Variants in SPATA12 observed in about 807,000 individuals in gnomAD.
SPATA12 encodes the protein spermatogenesis associated 12.
For missense variants in SPATA12, 219 were observed against 226.4 expected (o/e 0.97, Z 0.21); for synonymous variants, 85 against 89.2 (o/e 0.95, Z 0.26).
chr3:57,061,124 T>C (rs914342668), intron 1 of SPATA12, among the ~76,000 whole-genome samples: 1 of 152,158 alleles, frequency 6.6e-6, no homozygotes, highest in Non-Finnish European at 1.5e-5. Context: ...CATTCAGCGG[T>C]AACTCCTCCT....
chr3:57,062,048 A>G (rs1251934972), intron 1 of SPATA12, among the ~76,000 whole-genome samples: 1 of 152,156 alleles, frequency 6.6e-6, no homozygotes, highest in Non-Finnish European at 1.5e-5. Flanking sequence ...AAGTAAAAAA[A>G]GAGAGTGGGG....
chr3:57,073,627 C>G lies in SPATA12; in HGVS notation c.-68C>G, dbSNP rs200762222. The G allele has an allele frequency of 6.3e-4, 972 of 1,532,782 alleles. 6 individuals are homozygous for G. The South Asian group carries it at 6.9e-3, about 11-fold the overall frequency. 94.9% of individuals were successfully genotyped at this position (1,532,782 alleles called of 1,614,324 possible). A position where few individuals can be genotyped will look rare whatever the true frequency, so the allele number is the denominator to read the frequency against. On this transcript the variant is annotated 5_prime_UTR_variant, in exon 2 of 2. Coordinates refer to ENST00000334325, the MANE Select transcript of SPATA12 (RefSeq NM_181727.2). ...GGTTGCAAGAGTGCTGCATGCTCCT[C>G]AGGGATTGGCTCCGGCCAAGTGCCC... is the stretch of plus-strand genomic sequence containing the variant.
Position 57,073,781 on chromosome 3 carries a change from C to T in SPATA12, c.87C>T (p.Leu29=), listed in dbSNP as rs755036587. 13 of 1,614,100 alleles carry T rather than the reference C, an allele frequency of 8.1e-6. No individual in the cohort carries two copies. The highest frequency in any genetic ancestry group is 1.1e-5 in the Non-Finnish European group (13 of 1,180,046). The change falls in exon 2 of 2, where the codon CTC becomes CTT. Residue 29 remains leucine, a synonymous_variant. Coordinates refer to ENST00000334325, the MANE Select transcript of SPATA12 (RefSeq NM_181727.2). ...TGAAGGCACTAGACTCTTCCAGACT[C>T]GTTCCATGGCCACCCAGAGGCCTTG... The part of the protein sequence containing the change: ...WEMKALDSSR[L]VPWPPRGLGS...
Position 57,074,455 on chromosome 3 carries a change from G to A in SPATA12, c.*188G>A. 1 of 608,542 alleles carries A rather than the reference G, an allele frequency of 1.6e-6. No homozygotes were observed. Among genetic ancestry groups the A allele is most frequent in the Non-Finnish European group, 3.0e-6 (1 of 336,654 alleles). The allele number at this position is 608,542 out of a possible 1,614,324, so 37.7% of individuals were successfully genotyped here. On this transcript the variant is annotated 3_prime_UTR_variant, in exon 2 of 2. Transcript: ENST00000334325. The stretch of plus-strand genomic sequence containing the variant: ...ACACTTCCCCAATATCACAGATGAA[G>A]AAATCAAGATTCAGAAAGGTTAAGT...
At chr3:57,072,985 G>A (rs933412107) in intron 1 of SPATA12, among the ~76,000 whole-genome samples, 8 of 152,188 alleles carry the variant, frequency 5.3e-5, no homozygotes, top group African/African-American at 4.8e-5. Flanking sequence ...GGCAGAGGTT[G>A]CAGTGAGCCA....
At chr3:57,068,176 C>CACAA (rs1262513868) in intron 1 of SPATA12, among the ~76,000 whole-genome samples, 1 of 151,682 alleles carries the variant, frequency 6.6e-6, no homozygotes, top group East Asian at 1.9e-4. Flanking sequence ...CATACACACA[C>CACAA]ACACACACAC....
At chr3:57,071,609 G>A (rs997471979) in intron 1 of SPATA12, among the ~76,000 whole-genome samples, 9 of 149,474 alleles carry the variant, frequency 6.0e-5, no homozygotes, top group Admixed American at 1.3e-4. Context: ...GTAGTGAGCC[G>A]AGATCATGCC....
intron 1 of SPATA12, among the ~76,000 whole-genome samples, chr3:57,064,791 G>A (rs965669079): frequency 1.3e-5 from 2 of 152,172 alleles, no homozygotes; most frequent in Admixed American, 6.5e-5. Flanking sequence ...GGGCAGGGGG[G>A]AATGGGAGTT....
intron 1 of SPATA12, among the ~76,000 whole-genome samples, chr3:57,062,847 G>A (rs959364133): frequency 5.3e-5 from 8 of 152,036 alleles, no homozygotes; most frequent in African/African-American, 1.9e-4. Context: ...TTTTCTTTAC[G>A]GGTTCAACAA....
intron 1 of SPATA12, among the ~76,000 whole-genome samples, chr3:57,069,842 G>A (rs1380901170): frequency 6.6e-6 from 1 of 152,122 alleles, no homozygotes; most frequent in South Asian, 2.1e-4. Flanking sequence ...ATAGAGTCTC[G>A]CTTTGCTGCC....
chr3:57,069,648 CT>C (rs11336340), intron 1 of SPATA12, among the ~76,000 whole-genome samples: 131,790 of 151,382 alleles, frequency 0.87, 57,392 homozygotes, highest in East Asian at 0.96. Flanking sequence ...GTAAACTAAG[CT>C]TTTTTTTTTC....
chr3:57,061,058 C>A (rs998833179), intron 1 of SPATA12, among the ~76,000 whole-genome samples: 1 of 152,164 alleles, frequency 6.6e-6, no homozygotes, highest in Non-Finnish European at 1.5e-5. Context: ...TTGTACAACT[C>A]TTACCATTAT....
intron 1 of SPATA12, among the ~76,000 whole-genome samples, chr3:57,065,155 T>C (rs1053474796): frequency 3.9e-5 from 6 of 152,198 alleles, no homozygotes; most frequent in Admixed American, 3.9e-4. Context: ...GTCTTAAATG[T>C]TGAAATTACT....
chr3:57,068,404 A>G (rs1283266095), intron 1 of SPATA12, among the ~76,000 whole-genome samples: 3 of 152,214 alleles, frequency 2.0e-5, no homozygotes, highest in Non-Finnish European at 4.4e-5. Flanking sequence ...GCTGCCACTC[A>G]CTGCAGTGCT....
In SPATA12 at chr3:57,073,860, G is replaced by C. The variant is rs760435606; in HGVS notation, c.166G>C (p.Gly56Arg). ...CCACTGTGCACTGGCATCATGCCAG[G>C]GTCCAGGTGTCCTGCCAGGAGCAGC... ...KPHCALASCQGPGVLPGAASA... is the reference protein window; with the variant it reads ...KPHCALASCQRPGVLPGAASA... Residue 56 changes from glycine to arginine, a missense_variant, in exon 2 of 2, where the codon GGT becomes CGT. Physicochemically the swap from Gly to Arg is moderately radical, Grantham distance 125 (BLOSUM62 -2). Coordinates refer to ENST00000334325, the MANE Select transcript of SPATA12 (RefSeq NM_181727.2). 28 of 1,614,078 alleles carry C rather than the reference G, an allele frequency of 1.7e-5. No homozygotes were observed. The highest frequency in any genetic ancestry group is 7.7e-5 in the South Asian group (7 of 91,090).
rs1364515587 is a variant in SPATA12, at chr3:57,074,636, CT to C, written c.*372del. ...TCCCCGATCCTATACATTTTCATCTCTTTATTGTTTCTATCAAAGCCTGCTA... is the reference window on the plus strand; with the variant it reads ...TCCCCGATCCTATACATTTTCATCTCTTATTGTTTCTATCAAAGCCTGCTA... On this transcript the variant is annotated 3_prime_UTR_variant, in exon 2 of 2. Coordinates refer to ENST00000334325, the MANE Select transcript of SPATA12 (RefSeq NM_181727.2). 2.8e-5 allele frequency: 6 copies of C among 216,780 alleles called. No homozygotes were observed. Among genetic ancestry groups the C allele is most frequent in the Non-Finnish European group, 6.1e-5 (6 of 99,098 alleles). The allele number at this position is 216,780 out of a possible 1,614,324, so 13.4% of individuals were successfully genotyped here.
chr3:57,066,461 C>T (rs1313452159), intron 1 of SPATA12, among the ~76,000 whole-genome samples: 6 of 152,172 alleles, frequency 3.9e-5, no homozygotes, highest in Non-Finnish European at 7.4e-5. Context: ...CGGGGTTTCA[C>T]CATGTTGGCT....
At chr3:57,067,861 G>T (rs1316879060) in intron 1 of SPATA12, among the ~76,000 whole-genome samples, 1 of 151,704 alleles carries the variant, frequency 6.6e-6, no homozygotes, top group Non-Finnish European at 1.5e-5. Context: ...AAAGTGGCGG[G>T]CTCCTGTGGT....
chr3:57,064,234 A>T (rs1475529960), intron 1 of SPATA12, among the ~76,000 whole-genome samples: 1 of 152,226 alleles, frequency 6.6e-6, no homozygotes, highest in Admixed American at 6.5e-5. Context: ...GTGCCACTGC[A>T]GCAATCAGTG....
Sources: allele counts gnomAD v4.1 joint callset (sites outside exome capture counted in the v4.1 genomes callset), GRCh38; gene constraint gnomAD v4.1.1; transcripts MANE v1.5; gene names NCBI Gene and HGNC (gene_info 2026-07-23, HGNC 2026-07-21).